The following DCC variants were observed in gnomAD, a reference collection of about 807,000 sequenced individuals.
DCC encodes DCC netrin 1 receptor, also known as netrin receptor DCC.
Under a neutral mutation model 172.5 loss-of-function variants are expected in DCC, and 58 were observed. That is an observed-to-expected ratio of 0.34 (90% CI 0.27 to 0.42). The LOEUF is 0.42. Ranked by LOEUF, DCC falls within the 10% of genes least tolerant of loss-of-function variation. The probability of loss-of-function intolerance (pLI) is 1.00; values close to 1 mark genes in which losing one functional copy is unlikely to be tolerated. For missense variants in DCC, 1,740 were observed against 1,791.0 expected (o/e 0.97, Z 0.51); for synonymous variants, 709 against 644.5 (o/e 1.10, Z -1.52).
At chr18:53,474,827 GAGGT>G (rs545744151) in intron 25 of DCC, among the ~76,000 whole-genome samples, 6 of 152,236 alleles carry the variant, frequency 3.9e-5, no homozygotes, top group Non-Finnish European at 8.8e-5. Flanking sequence ...GTAAGAGGCA[GAGGT>G]TGGAATAGTT....
chr18:53,320,353 T>A (rs2057397053), intron 13 of DCC, among the ~76,000 whole-genome samples: 2 of 152,198 alleles, frequency 1.3e-5, no homozygotes, highest in African/African-American at 4.8e-5. Flanking sequence ...ATTACAGGCA[T>A]GAGCCACCGC....
intron 17 of DCC, among the ~76,000 whole-genome samples, chr18:53,395,881 G>A (rs1407236226): frequency 1.3e-5 from 2 of 152,168 alleles, no homozygotes; most frequent in East Asian, 3.9e-4. Context: ...GACCTCGAGT[G>A]ATCCATCCGC....
rs561992944 is a variant in DCC, at chr18:52,799,580, T to A, written c.412+47206T>A. Among the ~76,000 whole-genome samples the A allele has an allele frequency of 5.3e-5, 8 of 152,284 alleles. No homozygotes were observed. In the East Asian group the frequency reaches 1.4e-3, roughly 26 times the overall value. On this transcript the variant is annotated intron_variant, in intron 2 of 28. Coordinates refer to ENST00000442544, the MANE Select transcript of DCC (RefSeq NM_005215.4). Reference sequence around the variant, plus strand: ...AGGCTCTATCCAGTAATTTCAGCAATTGTACCCAAATACCTAAAGTTAATT... The same window carrying A: ...AGGCTCTATCCAGTAATTTCAGCAAATGTACCCAAATACCTAAAGTTAATT...
At position 53,160,068 on chromosome 18, in the gene DCC, T is replaced by C. The variant is rs894770003; in HGVS notation, c.1418+2556T>C. On this transcript the variant is annotated intron_variant, in intron 8 of 28. Transcript: ENST00000442544. The stretch of plus-strand genomic sequence containing the variant: ...GGGAAGGAGAAATTGTTGAAATTGC[T>C]ATGTTTGGGTGAACCATTTATTTTC... Among the ~76,000 whole-genome samples the C allele has an allele frequency of 9.9e-5, 15 of 152,262 alleles. No homozygotes were observed. In the South Asian group the frequency reaches 1.2e-3, roughly 13 times the overall value.
chr18:53,018,982 G>T (rs536504289), intron 5 of DCC, among the ~76,000 whole-genome samples: 4 of 152,222 alleles, frequency 2.6e-5, no homozygotes, highest in South Asian at 4.1e-4. Context: ...TCAGAACCAA[G>T]GAGAGTTCCA....
At chr18:53,283,340 G>A (rs1198229722) in intron 12 of DCC, among the ~76,000 whole-genome samples, 1 of 152,052 alleles carries the variant, frequency 6.6e-6, no homozygotes, top group Non-Finnish European at 1.5e-5. Context: ...TTCCAGGAAA[G>A]AAAGAAGGAC....
intron 2 of DCC, among the ~76,000 whole-genome samples, chr18:52,852,317 C>A (rs8095363): frequency 2.6e-5 from 4 of 151,980 alleles, no homozygotes; most frequent in East Asian, 1.9e-4. Context: ...GAAAGCAACA[C>A]GAGATTCCCA....
At position 52,871,640 on chromosome 18, in the gene DCC, A is replaced by T. The variant is rs1462878123; in HGVS notation, c.413-34404A>T. 2.0e-5 allele frequency among the ~76,000 whole-genome samples: 3 copies of T among 152,086 alleles called. No individual in the cohort carries two copies. The East Asian group carries it at 5.8e-4, about 29-fold the overall frequency. ...CAGCTAATTTTTAAATTTTTTGTAGAAACAGGGTCTTGTCATCTTGCCCAG... is the reference window on the plus strand; with the variant it reads ...CAGCTAATTTTTAAATTTTTTGTAGTAACAGGGTCTTGTCATCTTGCCCAG... On this transcript the variant is annotated intron_variant, in intron 2 of 28. Transcript: ENST00000442544.
chr18:52,416,477 A>G lies in DCC; in HGVS notation c.91+75599A>G, dbSNP rs372206515. On this transcript the variant is annotated intron_variant, in intron 1 of 28. Coordinates refer to ENST00000442544, the MANE Select transcript of DCC (RefSeq NM_005215.4). ...TGTCTAATGTTGACAGTGGGGTGTT[A>G]AAGTCTCCCATTATTATTGTGTGGG... Among the ~76,000 whole-genome samples, 280 of 152,032 alleles carry G rather than the reference A, an allele frequency of 1.8e-3. 6 individuals are homozygous for G. In the East Asian group the frequency reaches 0.045, roughly 24 times the overall value.
At chr18:52,729,322 C>T (rs1349247256) in intron 1 of DCC, among the ~76,000 whole-genome samples, 1 of 152,058 alleles carries the variant, frequency 6.6e-6, no homozygotes, top group Non-Finnish European at 1.5e-5. Flanking sequence ...TGCAGTGGTG[C>T]AATCTCGGCT....
At chr18:53,211,696 C>A (rs544252568) in intron 11 of DCC, among the ~76,000 whole-genome samples, 4 of 151,904 alleles carry the variant, frequency 2.6e-5, no homozygotes, top group Middle Eastern at 3.4e-3. Context: ...TGCACTGCAG[C>A]CTGGGTGACA....
intron 1 of DCC, among the ~76,000 whole-genome samples, chr18:52,375,515 T>A (rs547877128): frequency 6.6e-6 from 1 of 152,326 alleles, no homozygotes; most frequent in East Asian, 1.9e-4. Context: ...AGAAACAAGA[T>A]TGTAGGAACA....
intron 1 of DCC, among the ~76,000 whole-genome samples, chr18:52,432,202 T>C (rs1355441510): frequency 2.0e-5 from 3 of 151,988 alleles, no homozygotes; most frequent in African/African-American, 7.3e-5. Flanking sequence ...GTGTTGCACG[T>C]GTCTTGTTGG....
At chr18:53,255,991 T>G (rs2056506315) in intron 12 of DCC, among the ~76,000 whole-genome samples, 2 of 152,214 alleles carry the variant, frequency 1.3e-5, no homozygotes, top group Admixed American at 6.5e-5. Flanking sequence ...TCATGTGTCT[T>G]TTGGCTGAAT....
chr18:52,491,262 C>T (rs1320128329), intron 1 of DCC, among the ~76,000 whole-genome samples: 1 of 152,068 alleles, frequency 6.6e-6, no homozygotes, highest in Non-Finnish European at 1.5e-5. Context: ...ATCAAAACCT[C>T]TATTTTATCC....
Position 53,532,998 on chromosome 18 carries a change from C to T in DCC, c.*2345C>T, listed in dbSNP as rs1217696614. On this transcript the variant is annotated 3_prime_UTR_variant, in exon 29 of 29. Transcript: ENST00000442544. ...TTCTTCATTAAATAGAATGGTTTGTCTTAGTAACTGGCAATGCCAGTATTA... is the reference window on the plus strand; with the variant it reads ...TTCTTCATTAAATAGAATGGTTTGTTTTAGTAACTGGCAATGCCAGTATTA... The T allele has an allele frequency of 6.6e-6, 1 of 152,120 alleles. No homozygotes were observed. The highest frequency in any genetic ancestry group is 1.5e-5 in the Non-Finnish European group (1 of 68,024). 9.4% of individuals were successfully genotyped at this position (152,120 alleles called of 1,614,324 possible).
At chr18:53,301,623 T>C (rs978350809) in intron 12 of DCC, among the ~76,000 whole-genome samples, 8 of 152,190 alleles carry the variant, frequency 5.3e-5, no homozygotes, top group Admixed American at 2.6e-4. Flanking sequence ...CCTTTTTTTT[T>C]CTGACATTTA....
chr18:53,115,910 T>C (rs894116017), intron 7 of DCC, among the ~76,000 whole-genome samples: 1 of 151,518 alleles, frequency 6.6e-6, no homozygotes, highest in East Asian at 2.0e-4. Context: ...TTACCAATAA[T>C]CTCGAGAATA....
At chr18:53,286,075 A>T (rs765185241) in intron 12 of DCC, among the ~76,000 whole-genome samples, 4 of 152,212 alleles carry the variant, frequency 2.6e-5, no homozygotes, top group Non-Finnish European at 5.9e-5. Flanking sequence ...GCCTTGTCTC[A>T]GATGAGACTT....
Sources: allele counts gnomAD v4.1 joint callset (sites outside exome capture counted in the v4.1 genomes callset), GRCh38; gene constraint gnomAD v4.1.1; transcripts MANE v1.5; gene names NCBI Gene and HGNC (gene_info 2026-07-23, HGNC 2026-07-21).